The following HS3ST5 variants were observed in gnomAD, a reference collection of about 807,000 sequenced individuals.
HS3ST5 encodes the protein heparan sulfate glucosamine 3-O-sulfotransferase 5.
A neutral mutation model predicts 25.4 loss-of-function variants in HS3ST5; 10 were observed. That is an observed-to-expected ratio of 0.39 (90% CI 0.24 to 0.67). HS3ST5 has a LOEUF of 0.67. Ranked by LOEUF, HS3ST5 falls within the 30% of genes least tolerant of loss-of-function variation. The pLI, the probability that HS3ST5 is intolerant of heterozygous loss-of-function variation, is 0.44. For missense variants in HS3ST5, 324 were observed against 420.7 expected (o/e 0.77, Z 2.01); for synonymous variants, 170 against 162.4 (o/e 1.05, Z -0.36).
chr6:114,209,259 T>C (rs1582717439), intron 2 of HS3ST5, among the ~76,000 whole-genome samples: 1 of 152,182 alleles, frequency 6.6e-6, no homozygotes, highest in Non-Finnish European at 1.5e-5. Flanking sequence ...ATTTTGGCAC[T>C]GTTTTTGTTT....
chr6:114,289,599 A>G (rs943347894), intron 1 of HS3ST5, among the ~76,000 whole-genome samples: 1 of 152,118 alleles, frequency 6.6e-6, no homozygotes, highest in Non-Finnish European at 1.5e-5. Context: ...ATCACAGATG[A>G]TAAAACCTTC....
chr6:114,142,528 C>G (rs1777960882), intron 3 of HS3ST5, among the ~76,000 whole-genome samples: 1 of 152,078 alleles, frequency 6.6e-6, no homozygotes, highest in Non-Finnish European at 1.5e-5. Flanking sequence ...ATAACACAAG[C>G]CTTGTGAGCC....
chr6:114,252,585 T>C (rs1772713307), intron 1 of HS3ST5, among the ~76,000 whole-genome samples: 1 of 152,102 alleles, frequency 6.6e-6, no homozygotes, highest in African/African-American at 2.4e-5. Context: ...TTTCAAGATG[T>C]TTAAGGGCCT....
At chr6:114,191,159 A>T (rs1780483989) in intron 2 of HS3ST5, among the ~76,000 whole-genome samples, 1 of 152,208 alleles carries the variant, frequency 6.6e-6, no homozygotes, top group South Asian at 2.1e-4. Context: ...CCCACTGCAT[A>T]TATCCTGACA....
At chr6:114,172,375 C>T (rs1172274585) in intron 2 of HS3ST5, among the ~76,000 whole-genome samples, 3 of 152,138 alleles carry the variant, frequency 2.0e-5, no homozygotes, top group East Asian at 3.8e-4. Flanking sequence ...TTAGATTAGA[C>T]AGTATTAGGT....
chr6:114,336,840 T>G (rs1562279947), intron 1 of HS3ST5, among the ~76,000 whole-genome samples: 1 of 152,174 alleles, frequency 6.6e-6, no homozygotes, highest in Non-Finnish European at 1.5e-5. Context: ...CAGAGAGCAT[T>G]ACAGTGACAT....
At chr6:114,221,335 G>A (rs1782024699) in intron 2 of HS3ST5, among the ~76,000 whole-genome samples, 1 of 151,776 alleles carries the variant, frequency 6.6e-6, no homozygotes, top group South Asian at 2.1e-4. Flanking sequence ...AATACATATA[G>A]TACATAAAAA....
At chr6:114,123,619 A>G (rs891901731) in intron 3 of HS3ST5, among the ~76,000 whole-genome samples, 16 of 152,224 alleles carry the variant, frequency 1.1e-4, no homozygotes, top group Admixed American at 2.6e-4. Flanking sequence ...GCAAGCATAT[A>G]GATCCACAAT....
chr6:114,134,279 G>A (rs1000364359), intron 3 of HS3ST5, among the ~76,000 whole-genome samples: 6 of 152,152 alleles, frequency 3.9e-5, no homozygotes, highest in African/African-American at 1.4e-4. Context: ...TATGATTATT[G>A]CCATCTGGTT....
intron 3 of HS3ST5, among the ~76,000 whole-genome samples, chr6:114,141,417 A>C (rs956629972): frequency 6.6e-6 from 1 of 152,222 alleles, no homozygotes; most frequent in Non-Finnish European, 1.5e-5. Flanking sequence ...ATAGCTTCTG[A>C]ATATATTTAA....
intron 1 of HS3ST5, among the ~76,000 whole-genome samples, chr6:114,304,584 G>A (rs1775213687): frequency 6.6e-6 from 1 of 151,820 alleles, no homozygotes; most frequent in Admixed American, 6.6e-5. Flanking sequence ...CAAACTTTTT[G>A]GTCTTAGAAG....
At chr6:114,128,325 T>C (rs2114898929) in intron 3 of HS3ST5, among the ~76,000 whole-genome samples, 1 of 152,324 alleles carries the variant, frequency 6.6e-6, no homozygotes, top group East Asian at 1.9e-4. Context: ...TAATAACCTT[T>C]TTTAAAGGTG....
At position 114,058,029 on chromosome 6, in the gene HS3ST5, A is replaced by T. The variant is rs201338991; in HGVS notation, c.269T>A (p.Leu90His). The T allele has an allele frequency of 6.4e-5, 104 of 1,613,910 alleles. No individual in the cohort carries two copies. Among genetic ancestry groups the T allele is most frequent in the Non-Finnish European group, 5.9e-5 (70 of 1,180,000 alleles). ...QVRLHDLVQQ[L>H]PKAIIIGVRK... is the part of the protein sequence containing the mutation. ...CACCCCAATGATAATGGCCTTGGGG[A>T]GCTGCTGGACCAGGTCATGGAGGCG... Residue 90 changes from leucine to histidine, a missense_variant, in exon 5 of 5, where the codon CTC (leucine) becomes CAC (histidine). Physicochemically the swap from Leu to His is moderately conservative, Grantham distance 99. Coordinates refer to ENST00000312719, the MANE Select transcript of HS3ST5 (RefSeq NM_153612.4).
At chr6:114,158,160 T>A (rs1778785829) in intron 3 of HS3ST5, among the ~76,000 whole-genome samples, 1 of 152,240 alleles carries the variant, frequency 6.6e-6, no homozygotes, top group Non-Finnish European at 1.5e-5. Flanking sequence ...CAGCTTTGTA[T>A]GCCTGTGGAC....
intron 3 of HS3ST5, among the ~76,000 whole-genome samples, chr6:114,138,843 G>T (rs937641671): frequency 5.8e-4 from 88 of 152,148 alleles, no homozygotes; most frequent in Non-Finnish European, 1.0e-3. Context: ...AGTTTTGGAG[G>T]CTTGGTAGAT....
chr6:114,342,040 A>T (rs751295481), intron 1 of HS3ST5, among the ~76,000 whole-genome samples, 155 bp downstream of exon 1: 3 of 152,172 alleles, frequency 2.0e-5, no homozygotes, highest in African/African-American at 7.2e-5. Context: ...AGTCTTCCCC[A>T]GGCAGCGCCC....
At chr6:114,292,609 G>A (rs543898446) in intron 1 of HS3ST5, among the ~76,000 whole-genome samples, 1 of 152,160 alleles carries the variant, frequency 6.6e-6, no homozygotes, top group Non-Finnish European at 1.5e-5. Flanking sequence ...ACATTCAAGT[G>A]CCAGAGTCAT....
In HS3ST5 at chr6:114,342,420, A is replaced by AGGCGGCGGCGGCGGC. The variant is rs527646640; in HGVS notation, c.-579_-565dup. ...TAAGACGCGAGCGGGCCCCACACGC[A>AGGCGGCGGCGGCGGC]GGCGGCGGCGGCGGCGGCGGCGGCG... On this transcript the variant is annotated 5_prime_UTR_variant, in exon 1 of 5. Coordinates refer to ENST00000312719, the MANE Select transcript of HS3ST5 (RefSeq NM_153612.4). The AGGCGGCGGCGGCGGC allele has an allele frequency of 3.7e-5, 7 of 191,332 alleles. No homozygotes were observed. Among genetic ancestry groups the AGGCGGCGGCGGCGGC allele is most frequent in the African/African-American group, 7.3e-5 (3 of 41,190 alleles). The allele number at this position is 191,332 out of a possible 1,614,324, so 11.9% of individuals were successfully genotyped here. A position where few individuals can be genotyped will look rare whatever the true frequency, so the allele number is the denominator to read the frequency against.
chr6:114,095,254 T>C (rs1026764037), intron 3 of HS3ST5, among the ~76,000 whole-genome samples: 1 of 152,212 alleles, frequency 6.6e-6, no homozygotes, highest in Non-Finnish European at 1.5e-5. Flanking sequence ...CCAGTTGCAA[T>C]GACAGAGACC....
Sources: gnomAD v4.1 joint callset for allele counts (sites outside exome capture counted in the v4.1 genomes callset) on GRCh38, gnomAD v4.1.1 for gene constraint, MANE v1.5 for transcripts, NCBI Gene and HGNC (gene_info 2026-07-23, HGNC 2026-07-21) for gene names.